Variants in ERGIC1 observed in about 807,000 individuals in gnomAD.
ERGIC1 encodes the protein endoplasmic reticulum-golgi intermediate compartment 1.
A neutral mutation model predicts 38.3 loss-of-function variants in ERGIC1; 19 were observed. The ratio of observed to expected loss-of-function variants is 0.50; its 90% CI spans 0.35 to 0.73. ERGIC1 has a LOEUF of 0.73. Ranked by LOEUF, ERGIC1 falls within the 30% of genes least tolerant of loss-of-function variation. The pLI, the probability that ERGIC1 is intolerant of heterozygous loss-of-function variation, is 0.01. For synonymous variants in ERGIC1, 124 were observed against 157.6 expected, an observed-to-expected ratio of 0.79 and a Z score of 1.60; for missense variants, 294 against 389.2, an observed-to-expected ratio of 0.76 and a Z score of 2.06.
chr5:172,855,238 G>T (rs4868222), intron 1 of ERGIC1, among the ~76,000 whole-genome samples: 20,992 of 152,128 alleles, frequency 0.14, 1,893 homozygotes, highest in East Asian at 0.32. Context: ...GAGCAGTGGG[G>T]GTGGGAGAGG....
chr5:172,885,481 C>T (rs1203451204), intron 1 of ERGIC1, among the ~76,000 whole-genome samples: 1 of 152,148 alleles, frequency 6.6e-6, no homozygotes, highest in Non-Finnish European at 1.5e-5. Context: ...GCTTGTCGGT[C>T]CCTGATGGTG....
At chr5:172,935,105 T>C in intron 8 of ERGIC1, 83 bp from the exon 9 acceptor site, 3 of 1,599,564 alleles carry the variant, frequency 1.9e-6, no homozygotes, top group Non-Finnish European at 2.6e-6. Context: ...TTCTGGAGGG[T>C]TGCTGGGGGG....
chr5:172,923,901 C>A, intron 5 of ERGIC1, 104 bp from the exon 6 acceptor site: 1 of 997,894 alleles, frequency 1.0e-6, no homozygotes, highest in Non-Finnish European at 1.5e-6. Context: ...AAACCCAGAT[C>A]TGCCTGATTC....
intron 1 of ERGIC1, among the ~76,000 whole-genome samples, chr5:172,858,222 G>A (rs141150355): frequency 0.014 from 2,061 of 152,328 alleles, 44 homozygotes; most frequent in Non-Finnish European, 0.017. Context: ...CCTGAGGTGG[G>A]AGGTCACAGG....
At position 172,892,500 on chromosome 5, in the gene ERGIC1, C is replaced by T. The variant is rs73325169; in HGVS notation, c.82+3740C>T. Among the ~76,000 whole-genome samples, 382 of 152,266 alleles carry T rather than the reference C, an allele frequency of 2.5e-3. 1 individual carries two copies. The highest frequency in any genetic ancestry group is 8.7e-3 in the African/African-American group (360 of 41,548). Reference sequence around the variant, plus strand: ...ACCTTGGACAAATTCCTTGACCTCTCGGAGCCTTGGGTCTCAGGTCCAGTG... The same window carrying T: ...ACCTTGGACAAATTCCTTGACCTCTTGGAGCCTTGGGTCTCAGGTCCAGTG... On this transcript the variant is annotated intron_variant, in intron 2 of 9. Coordinates refer to ENST00000393784, the MANE Select transcript of ERGIC1 (RefSeq NM_001031711.3).
intron 1 of ERGIC1, among the ~76,000 whole-genome samples, chr5:172,870,106 C>A (rs1048691846): frequency 6.6e-6 from 1 of 152,228 alleles, no homozygotes; most frequent in African/African-American, 2.4e-5. Flanking sequence ...TATTCTGATA[C>A]AAAAATACTT....
chr5:172,880,070 A>G (rs1213983912), intron 1 of ERGIC1, among the ~76,000 whole-genome samples: 1 of 152,090 alleles, frequency 6.6e-6, no homozygotes, highest in East Asian at 1.9e-4. Context: ...GTCTTGCTCT[A>G]TCTCCCAGGC....
chr5:172,915,553 A>G (rs1763340815), intron 5 of ERGIC1: 1 of 470,724 alleles, frequency 2.1e-6, no homozygotes, highest in African/African-American at 2.0e-5. Context: ...AAGTGGGTGA[A>G]CGCAGTGCCC....
chr5:172,943,714 AGT>A (rs1764059777), intron 9 of ERGIC1, among the ~76,000 whole-genome samples: 1 of 152,078 alleles, frequency 6.6e-6, no homozygotes, highest in Non-Finnish European at 1.5e-5. Flanking sequence ...GGACCGCAGG[AGT>A]GTTTACTCCA....
At chr5:172,886,529 T>C (rs1762422742) in intron 1 of ERGIC1, among the ~76,000 whole-genome samples, 1 of 152,228 alleles carries the variant, frequency 6.6e-6, no homozygotes, top group African/African-American at 2.4e-5. Flanking sequence ...AAGGGTTGAT[T>C]TTTATCTCCT....
At chr5:172,946,060 C>T (rs1054030533) in intron 9 of ERGIC1, among the ~76,000 whole-genome samples, 6 of 152,338 alleles carry the variant, frequency 3.9e-5, no homozygotes, top group African/African-American at 1.4e-4. Context: ...AGTGATGCCA[C>T]GATGCAGCCT....
intron 4 of ERGIC1, chr5:172,914,482 A>G: frequency 1.6e-6 from 1 of 618,850 alleles, no homozygotes; most frequent in Non-Finnish European, 2.9e-6. Context: ...AGTATGGCAG[A>G]CCCCAGGGTG....
intron 5 of ERGIC1, 178 bp downstream of exon 5, chr5:172,915,016 G>C (rs1425389351): frequency 1.0e-6 from 1 of 987,576 alleles, no homozygotes; most frequent in Non-Finnish European, 1.6e-6. Context: ...GGGGGTCCAG[G>C]CTCCCTGGGG....
intron 1 of ERGIC1, among the ~76,000 whole-genome samples, chr5:172,878,050 C>G (rs1417599775): frequency 1.3e-5 from 2 of 152,086 alleles, no homozygotes; most frequent in African/African-American, 4.8e-5. Context: ...TCCTCTTTGT[C>G]CAGACTTGGT....
At chr5:172,894,903 T>C (rs1016874404) in intron 2 of ERGIC1, among the ~76,000 whole-genome samples, 3 of 152,248 alleles carry the variant, frequency 2.0e-5, no homozygotes, top group Admixed American at 6.5e-5. Context: ...GACAGATAGA[T>C]GGCTATTTGC....
chr5:172,910,541 T>TTTTTTTTTA (rs1554112084), intron 4 of ERGIC1, among the ~76,000 whole-genome samples: 1 of 130,000 alleles, frequency 7.7e-6, no homozygotes, highest in African/African-American at 2.8e-5. Context: ...TTTTTTTTTT[T>TTTTTTTTTA]GAGACGGAGT....
chr5:172,890,193 C>CA (rs978054397), intron 2 of ERGIC1, among the ~76,000 whole-genome samples: 2 of 152,110 alleles, frequency 1.3e-5, no homozygotes, highest in African/African-American at 4.8e-5. Flanking sequence ...GGGATCGTAC[C>CA]AAAAAACCAC....
intron 1 of ERGIC1, among the ~76,000 whole-genome samples, chr5:172,855,237 G>A (rs1250638404): frequency 6.6e-6 from 1 of 152,160 alleles, no homozygotes; most frequent in Non-Finnish European, 1.5e-5. Flanking sequence ...AGAGCAGTGG[G>A]GGTGGGAGAG....
chr5:172,927,715 G>A (rs925061798), intron 7 of ERGIC1, among the ~76,000 whole-genome samples: 30 of 152,018 alleles, frequency 2.0e-4, no homozygotes, highest in South Asian at 4.2e-4. Flanking sequence ...GAGCAGCTGG[G>A]ATTACAGGTG....
Sources: allele counts gnomAD v4.1 joint callset (sites outside exome capture counted in the v4.1 genomes callset), GRCh38; gene constraint gnomAD v4.1.1; transcripts MANE v1.5; gene names NCBI Gene and HGNC (gene_info 2026-07-23, HGNC 2026-07-21).